Variants in TBXA2R observed in about 807,000 individuals in gnomAD.
The protein encoded by TBXA2R is thromboxane A2 receptor, also known as prostanoid TP receptor.
Under a neutral mutation model 15.6 loss-of-function variants are expected in TBXA2R, and 15 were observed. That is an observed-to-expected ratio of 0.96 (90% CI 0.64 to 1.48). The LOEUF (loss-of-function observed/expected upper bound fraction) is 1.48. Among genes scored for constraint, TBXA2R ranks in the 40% most tolerant of loss-of-function variants. The probability of loss-of-function intolerance (pLI) is 0.00; values close to 1 mark genes in which losing one functional copy is unlikely to be tolerated. For synonymous variants in TBXA2R, 280 were observed against 241.2 expected, an observed-to-expected ratio of 1.16 and a Z score of -1.49; for missense variants, 506 against 491.4, an observed-to-expected ratio of 1.03 and a Z score of -0.28.
intron 2 of TBXA2R, among the ~76,000 whole-genome samples, chr19:3,599,361 G>T (rs538620749): frequency 1.4e-5 from 2 of 144,716 alleles, no homozygotes; most frequent in Non-Finnish European, 1.5e-5. Flanking sequence ...ACGGAGTCTC[G>T]CTCTGTCGCC....
chr19:3,605,182 G>A (rs889786791), intron 1 of TBXA2R, among the ~76,000 whole-genome samples: 10 of 152,188 alleles, frequency 6.6e-5, no homozygotes, highest in African/African-American at 2.2e-4. Flanking sequence ...TCTCTAGTGG[G>A]GGCTCCCCAG....
intron 2 of TBXA2R, 46 bp downstream of exon 2, chr19:3,599,803 A>AGGCTGGACCT (rs1273209847): frequency 6.5e-7 from 1 of 1,548,192 alleles, no homozygotes; most frequent in Admixed American, 2.0e-5. Context: ...GGGTGACCAG[A>AGGCTGGACCT]GGTCCAGTCA....
chr19:3,598,968 T>C (rs2032656871), intron 2 of TBXA2R, among the ~76,000 whole-genome samples: 2 of 152,044 alleles, frequency 1.3e-5, no homozygotes, highest in Admixed American at 6.6e-5. Context: ...ACGCCCGGCC[T>C]GTTTTGTTTT....
At chr19:3,598,337 T>C (rs979911867) in intron 2 of TBXA2R, among the ~76,000 whole-genome samples, 33 of 132,026 alleles carry the variant, frequency 2.5e-4, no homozygotes, top group Non-Finnish European at 3.1e-5. Context: ...TCTTTCTTTC[T>C]TTCTTTTCTT....
At chr19:3,597,675 A>ATACT (rs1475321361) in intron 2 of TBXA2R, among the ~76,000 whole-genome samples, 4 of 151,954 alleles carry the variant, frequency 2.6e-5, no homozygotes, top group African/African-American at 9.7e-5. Flanking sequence ...GCTCACACCT[A>ATACT]TACTCCCAGC....
intron 1 of TBXA2R, among the ~76,000 whole-genome samples, chr19:3,604,741 C>T (rs1328027876): frequency 6.6e-6 from 1 of 152,192 alleles, no homozygotes. Flanking sequence ...AAGCTCAGGC[C>T]TCCCTGGCTC....
chr19:3,599,353 G>A (rs752846943), intron 2 of TBXA2R, among the ~76,000 whole-genome samples: 1 of 143,812 alleles, frequency 7.0e-6, no homozygotes, highest in African/African-American at 2.6e-5. Flanking sequence ...TTTTTGAGAC[G>A]GAGTCTCGCT....
Position 3,600,581 on chromosome 19 carries a change from G to A in TBXA2R, c.54C>T (p.Thr18=), listed in dbSNP as rs1341770436. The A allele has an allele frequency of 6.2e-7, 1 of 1,612,620 alleles. No homozygotes were observed. Among genetic ancestry groups the A allele is most frequent in the East Asian group, 2.2e-5 (1 of 44,848 alleles). Residue 18 remains threonine, a synonymous_variant, in exon 2 of 3, where the codon ACC becomes ACT. Coordinates refer to ENST00000375190, the MANE Select transcript of TBXA2R (RefSeq NM_001060.6). ...AGGCGATCAGCCGTCTCTCCTCCAG[G>A]GTAATGTTTGTGGGCCGGAAACAGG... is the stretch of plus-strand genomic sequence containing the variant. ...LGPCFRPTNI[T]LEERRLIASP...
At chr19:3,605,528 A>G (rs1202693662) in intron 1 of TBXA2R, among the ~76,000 whole-genome samples, 2 of 152,014 alleles carry the variant, frequency 1.3e-5, no homozygotes, top group Non-Finnish European at 2.9e-5. Context: ...TGTGACAGAA[A>G]CACAGCAGAC....
chr19:3,601,009 C>T (rs967842469), intron 1 of TBXA2R, among the ~76,000 whole-genome samples: 2 of 151,726 alleles, frequency 1.3e-5, no homozygotes, highest in Non-Finnish European at 2.9e-5. Context: ...CCGCCTCGGC[C>T]TCCCAAAGTG....
chr19:3,606,261 A>G (rs2032833661), intron 1 of TBXA2R, among the ~76,000 whole-genome samples: 1 of 151,810 alleles, frequency 6.6e-6, no homozygotes, highest in Non-Finnish European at 1.5e-5. Context: ...ACCCCCATTC[A>G]CAGCCATGTG....
intron 2 of TBXA2R, among the ~76,000 whole-genome samples, chr19:3,596,240 G>T (rs1599869804): frequency 2.6e-5 from 4 of 152,106 alleles, no homozygotes; most frequent in Admixed American, 1.3e-4. Context: ...ATGTTGGCCA[G>T]GCTGGTCTCG....
intron 1 of TBXA2R, among the ~76,000 whole-genome samples, chr19:3,603,975 T>C (rs2032784054): frequency 1.3e-5 from 2 of 152,152 alleles, no homozygotes; most frequent in Non-Finnish European, 1.5e-5. Context: ...TGTCCCTCCC[T>C]GTGTCTGGGG....
Position 3,600,109 on chromosome 19 carries a change from C to T in TBXA2R, c.526G>A (p.Val176Met), listed in dbSNP as rs200718962. The T allele has an allele frequency of 6.2e-6, 10 of 1,611,750 alleles. No homozygotes were observed. The highest frequency in any genetic ancestry group is 5.3e-5 in the African/African-American group (4 of 74,920). ...AAGCACCAGGACCCCGGGTATTGCA[C>T]GGTGTAGCGACCCACGCCCAGCAGG... is the stretch of plus-strand genomic sequence containing the variant. ...LPLLGVGRYT[V>M]QYPGSWCFLT... is the part of the protein sequence containing the mutation. Residue 176 changes from valine (V) to methionine (M), a missense_variant, in exon 2 of 3, where the codon GTG (valine) becomes ATG (methionine). Coordinates refer to ENST00000375190, the MANE Select transcript of TBXA2R (RefSeq NM_001060.6).
At chr19:3,604,988 C>T (rs2032803135) in intron 1 of TBXA2R, among the ~76,000 whole-genome samples, 1 of 152,202 alleles carries the variant, frequency 6.6e-6, no homozygotes, top group African/African-American at 2.4e-5. Context: ...ACACTCCACA[C>T]CCTGATGGGC....
chr19:3,599,757 G>A (rs952964838), intron 2 of TBXA2R, 92 bp downstream of exon 2: 3 of 1,529,954 alleles, frequency 2.0e-6, no homozygotes, highest in Admixed American at 2.0e-5. Flanking sequence ...GTGAGCCACC[G>A]CGCCCGGTCC....
chr19:3,600,765 G>GT (rs1437647853), intron 1 of TBXA2R, 48 bp from the exon 2 acceptor site: 3 of 1,013,400 alleles, frequency 3.0e-6, no homozygotes, highest in East Asian at 2.7e-5. Flanking sequence ...GCATTTCAGT[G>GT]TAAGTAGCTC....
At chr19:3,597,060 C>T (rs2032617815) in intron 2 of TBXA2R, among the ~76,000 whole-genome samples, 1 of 151,454 alleles carries the variant, frequency 6.6e-6, no homozygotes, top group Non-Finnish European at 1.5e-5. Flanking sequence ...CTGCCTCAGC[C>T]TCCCGAGTAG....
intron 2 of TBXA2R, among the ~76,000 whole-genome samples, chr19:3,597,703 C>A (rs371125393): frequency 6.6e-6 from 1 of 151,908 alleles, no homozygotes; most frequent in Non-Finnish European, 1.5e-5. Context: ...GAGGCTGAAG[C>A]GGGCAGATCA....
Sources: gnomAD v4.1 joint callset for allele counts (sites outside exome capture counted in the v4.1 genomes callset) on GRCh38, gnomAD v4.1.1 for gene constraint, MANE v1.5 for transcripts, NCBI Gene and HGNC (gene_info 2026-07-23, HGNC 2026-07-21) for gene names.